The following C2CD2 variants were observed in gnomAD, a reference collection of about 807,000 sequenced individuals.
The protein encoded by C2CD2 is C2 domain-containing protein 2.
A neutral mutation model predicts 74.3 loss-of-function variants in C2CD2; 43 were observed. That is an observed-to-expected ratio of 0.58 (90% CI 0.45 to 0.75). The LOEUF (loss-of-function observed/expected upper bound fraction) is 0.75. C2CD2 is among the 30% of genes least tolerant of loss of function. C2CD2 has a pLI of 0.00. For missense variants in C2CD2, 801 were observed against 916.3 expected (o/e 0.87, Z 1.63); for synonymous variants, 422 against 390.7 (o/e 1.08, Z -0.94).
intron 8 of C2CD2, 103 bp from the exon 9 acceptor site, chr21:41,907,887 T>C: frequency 1.7e-6 from 2 of 1,212,102 alleles, no homozygotes; most frequent in Non-Finnish European, 2.4e-6. Context: ...GCTCCTCCCG[T>C]GCATCCAGCC....
intron 10 of C2CD2, 152 bp downstream of exon 10, chr21:41,906,840 G>T: frequency 1.7e-6 from 1 of 596,280 alleles, no homozygotes. Context: ...AACAAACTAA[G>T]CACAAGTGTG....
intron 1 of C2CD2, 44 bp from the exon 2 acceptor site, chr21:41,942,289 C>A: frequency 1.4e-6 from 2 of 1,410,354 alleles, no homozygotes; most frequent in East Asian, 2.5e-5. Flanking sequence ...ACAGGAGGGG[C>A]TGCATCTTTT....
chr21:41,910,825 A>G, intron 7 of C2CD2, among the ~76,000 whole-genome samples: 1 of 152,338 alleles, frequency 6.6e-6, no homozygotes, highest in South Asian at 2.1e-4. Context: ...ATTAGTTTTT[A>G]AAATATTCAT....
chr21:41,906,931 C>T, intron 10 of C2CD2, 61 bp downstream of exon 10: 1 of 1,339,846 alleles, frequency 7.5e-7, no homozygotes, highest in Non-Finnish European at 1.1e-6. Context: ...GTTGTGGGGG[C>T]AAGGTGGTTA....
chr21:41,928,500 C>A (rs1223573051), intron 2 of C2CD2, among the ~76,000 whole-genome samples: 1 of 131,540 alleles, frequency 7.6e-6, no homozygotes, highest in African/African-American at 3.0e-5. Flanking sequence ...GCATAAATTC[C>A]AGGTTAATGG....
At chr21:41,918,320 TAGGAAGGA>T in intron 4 of C2CD2, 93 bp from the exon 5 acceptor site, 2 of 1,345,708 alleles carry the variant, frequency 1.5e-6, no homozygotes, top group Non-Finnish European at 2.0e-6. Context: ...CCATGCAAAG[TAGGAAGGA>T]AGGAAATTAC....
chr21:41,949,671 C>A (rs2065433862), intron 1 of C2CD2, among the ~76,000 whole-genome samples: 1 of 152,222 alleles, frequency 6.6e-6, no homozygotes. Context: ...AATCATGCTA[C>A]TATAAAGACA....
intron 13 of C2CD2, chr21:41,894,616 T>G (rs933114891): frequency 2.2e-6 from 1 of 455,174 alleles, no homozygotes; most frequent in African/African-American, 2.0e-5. Flanking sequence ...CAAAGCCCCC[T>G]AATCCTGCAA....
intron 2 of C2CD2, among the ~76,000 whole-genome samples, chr21:41,941,020 C>T (rs373782583): frequency 4.3e-4 from 65 of 151,702 alleles, no homozygotes; most frequent in African/African-American, 1.4e-3. Flanking sequence ...ACAACAGCAA[C>T]AATAATATAA....
intron 1 of C2CD2, 102 bp from the exon 2 acceptor site, chr21:41,942,347 A>G: frequency 1.1e-6 from 1 of 881,862 alleles, no homozygotes; most frequent in Non-Finnish European, 1.8e-6. Flanking sequence ...AAATGTACTA[A>G]CACATCTTTC....
Position 41,899,362 on chromosome 21 carries a change from T to C in C2CD2, c.1561A>G (p.Thr521Ala). The C allele has an allele frequency of 6.2e-7, 1 of 1,603,690 alleles. No homozygotes were observed. Among genetic ancestry groups the C allele is most frequent in the Non-Finnish European group, 8.5e-7 (1 of 1,179,806 alleles). The change falls in exon 13 of 14, where the codon ACC becomes GCC. Residue 521 changes from threonine to alanine, a missense_variant and splice_region_variant. Physicochemically the swap from Thr to Ala is moderately conservative, Grantham distance 58. Coordinates refer to ENST00000380486, the MANE Select transcript of C2CD2 (RefSeq NM_015500.2). The surrounding 1 kb of genome is among the most constrained non-coding windows in gnomAD (Gnocchi z 4.4). ...STIIISGISKTSLSQDHDAAL... is the reference protein window; with the variant it reads ...STIIISGISKASLSQDHDAAL... ...GCGTCGTGGTCCTGAGATAGTGAGG[T>C]CTGTCAGGGGCAGTGGGGAAGATGA... is the stretch of plus-strand genomic sequence containing the variant.
At chr21:41,912,489 A>AT (rs1365493346) in intron 6 of C2CD2, 49 bp from the exon 7 acceptor site, 184 of 822,212 alleles carry the variant, frequency 2.2e-4, no homozygotes, top group East Asian at 1.9e-3. Flanking sequence ...TTTATTATTT[A>AT]TTTATTTTTT....
At chr21:41,922,587 A>G (rs1189837966) in intron 2 of C2CD2, among the ~76,000 whole-genome samples, 1 of 150,596 alleles carries the variant, frequency 6.6e-6, no homozygotes, top group Non-Finnish European at 1.5e-5. Flanking sequence ...TGATTCTCCC[A>G]CCTCAGCCTC....
Position 41,926,214 on chromosome 21 carries a change from C to T in C2CD2, c.379-4129G>A, listed in dbSNP as rs2065210273. The stretch of plus-strand genomic sequence containing the variant: ...CATCCCCCAACCTGCATTTTTTTGA[C>T]ATTTTTTTTCCCCAAAACAAGCAAA... On this transcript the variant is annotated intron_variant, in intron 2 of 13. Transcript: ENST00000380486. This position sits in a 1 kb window ranked among gnomAD's most constrained non-coding sequence, Gnocchi z 8.0. Among the ~76,000 whole-genome samples the T allele has an allele frequency of 6.6e-6, 1 of 152,156 alleles. No homozygotes were observed. The highest frequency in any genetic ancestry group is 1.5e-5 in the Non-Finnish European group (1 of 68,022).
chr21:41,934,634 A>G (rs530262932), intron 2 of C2CD2, among the ~76,000 whole-genome samples: 2 of 152,308 alleles, frequency 1.3e-5, no homozygotes, highest in African/African-American at 2.4e-5. Context: ...CAAAAATAAC[A>G]ACAGAGGTAG....
intron 6 of C2CD2, among the ~76,000 whole-genome samples, chr21:41,913,705 T>C (rs888321412): frequency 6.6e-6 from 1 of 152,232 alleles, no homozygotes. Context: ...ATAAGTCACC[T>C]TTAACATACT....
In C2CD2 at chr21:41,889,074, T is replaced by C; in HGVS notation, c.*50A>G. 1.5e-6 allele frequency: 2 copies of C among 1,358,772 alleles called. No individual in the cohort carries two copies. The highest frequency in any genetic ancestry group is 1.4e-5 in the African/African-American group (1 of 69,878). The allele number at this position is 1,358,772 out of a possible 1,614,324, so 84.2% of individuals were successfully genotyped here. Reference sequence around the variant, plus strand: ...CACACTGGCTGCGTCCTGGTGAGGGTAGTTAACATGGGTGCACGTCTTCTG... The same window carrying C: ...CACACTGGCTGCGTCCTGGTGAGGGCAGTTAACATGGGTGCACGTCTTCTG... On this transcript the variant is annotated 3_prime_UTR_variant, in exon 14 of 14. Coordinates refer to ENST00000380486, the MANE Select transcript of C2CD2 (RefSeq NM_015500.2).
chr21:41,953,625 C>T lies in C2CD2; in HGVS notation c.24G>A (p.Ser8=), dbSNP rs2065469272. 6.7e-7 allele frequency: 1 copy of T among 1,490,100 alleles called. No individual in the cohort carries two copies. The highest frequency in any genetic ancestry group is 2.3e-5 in the Admixed American group (1 of 43,918). The allele number at this position is 1,490,100 out of a possible 1,614,324, so 92.3% of individuals were successfully genotyped here. A position where few individuals can be genotyped will look rare whatever the true frequency, so the allele number is the denominator to read the frequency against. ...CGAGCCACTGCGCCTCCCCGAGCCACGAGCCCAGCCGGGCCATGGCCATGG... is the reference window on the plus strand; with the variant it reads ...CGAGCCACTGCGCCTCCCCGAGCCATGAGCCCAGCCGGGCCATGGCCATGG... MAMARLG[S]WLGEAQWLAL... The change falls in exon 1 of 14, where the codon TCG becomes TCA. Residue 8 remains serine, a synonymous_variant. Coordinates refer to ENST00000380486, the MANE Select transcript of C2CD2 (RefSeq NM_015500.2).
In C2CD2 at chr21:41,924,059, T is replaced by C. The variant is rs2065183381; in HGVS notation, c.379-1974A>G. Among the ~76,000 whole-genome samples, 1 of 152,232 alleles carries C rather than the reference T, an allele frequency of 6.6e-6. No individual in the cohort carries two copies. The highest frequency in any genetic ancestry group is 2.4e-5 in the African/African-American group (1 of 41,468). On this transcript the variant is annotated intron_variant, in intron 2 of 13. Transcript: ENST00000380486. This position sits in a 1 kb window ranked among gnomAD's most constrained non-coding sequence, Gnocchi z 4.4. ...TTCCCAAAAGAACCACTGACTCCAC[T>C]GCAGGGAGTCACAGGACAGGAAGAG...
Sources: gnomAD v4.1 joint callset for allele counts (sites outside exome capture counted in the v4.1 genomes callset) on GRCh38, gnomAD v4.1.1 for gene constraint, Gnocchi (gnomAD v3.1) non-coding constraint, MANE v1.5 for transcripts, NCBI Gene and HGNC (gene_info 2026-07-23, HGNC 2026-07-21) for gene names.